The following TSHZ2 variants were observed in gnomAD, a reference collection of about 807,000 sequenced individuals.
TSHZ2 encodes the protein teashirt homolog 2.
In TSHZ2, 21 loss-of-function variants were observed where a neutral mutation model predicts 74.4. That is an observed-to-expected ratio of 0.28 (90% CI 0.20 to 0.41). The LOEUF (loss-of-function observed/expected upper bound fraction) is 0.41. TSHZ2 is among the 10% of genes least tolerant of loss of function. The pLI is 1.00. For missense variants in TSHZ2, 1,244 were observed against 1,293.5 expected (o/e 0.96, Z 0.59); for synonymous variants, 540 against 515.3 (o/e 1.05, Z -0.65).
intron 1 of TSHZ2, chr20:53,196,250 A>G (rs970970862): frequency 3.3e-5 from 5 of 152,022 alleles, no homozygotes; most frequent in African/African-American, 4.8e-5. Flanking sequence ...TTCCCTCTCA[A>G]TGAGCAAGAG....
intron 1 of TSHZ2, among the ~76,000 whole-genome samples, chr20:53,142,336 GA>G (rs1166276481): frequency 6.6e-6 from 1 of 152,220 alleles, no homozygotes; most frequent in Admixed American, 6.5e-5. Context: ...GTTCAGACCG[GA>G]AGAACAGGAG....
chr20:53,449,490 G>A (rs950237847), intron 2 of TSHZ2, among the ~76,000 whole-genome samples: 11 of 152,184 alleles, frequency 7.2e-5, no homozygotes, highest in Admixed American at 2.0e-4. Flanking sequence ...AGAAATGTCC[G>A]TGTCCTCATT....
At chr20:53,458,600 G>A (rs892791560) in intron 2 of TSHZ2, among the ~76,000 whole-genome samples, 14 of 151,974 alleles carry the variant, frequency 9.2e-5, no homozygotes, top group South Asian at 6.2e-4. Flanking sequence ...CTTGCCTTCT[G>A]CTAGCTTTTG....
intron 1 of TSHZ2, among the ~76,000 whole-genome samples, chr20:53,224,016 T>A (rs1989626686): frequency 6.6e-6 from 1 of 152,086 alleles, no homozygotes. Context: ...TATTGCACTT[T>A]GATTATGCAA....
At chr20:53,376,118 G>A (rs1981649303) in intron 2 of TSHZ2, among the ~76,000 whole-genome samples, 1 of 152,182 alleles carries the variant, frequency 6.6e-6, no homozygotes, top group African/African-American at 2.4e-5. Flanking sequence ...AGTGAGAAGA[G>A]GGAGGAAGAA....
intron 1 of TSHZ2, among the ~76,000 whole-genome samples, chr20:53,253,266 T>C (rs148432864): frequency 3.0e-4 from 43 of 142,664 alleles, no homozygotes; most frequent in Middle Eastern, 8.1e-3. Context: ...CTTGGGATCC[T>C]AGGCATTTAT....
rs151034281 is a variant in TSHZ2, at chr20:53,317,060, G to A, written c.*8+60489G>A. 4.6e-5 allele frequency among the ~76,000 whole-genome samples: 7 copies of A among 152,304 alleles called. No individual in the cohort carries two copies. In the East Asian group the frequency reaches 1.3e-3, roughly 29 times the overall value. On this transcript the variant is annotated intron_variant, in intron 2 of 2. Coordinates refer to ENST00000371497, the MANE Select transcript of TSHZ2 (RefSeq NM_173485.6). ...GTAGCTCATTATTTAGCTAATAACA[G>A]TGTGAGAAAGCAGTGTGGTGTTTAG...
At chr20:53,045,218 A>G (rs1984184838) in intron 1 of TSHZ2, among the ~76,000 whole-genome samples, 1 of 152,172 alleles carries the variant, frequency 6.6e-6, no homozygotes, top group South Asian at 2.1e-4. Context: ...GTGAGAAGGG[A>G]AGAGTACAGC....
chr20:53,190,003 G>A (rs577429851), intron 1 of TSHZ2, among the ~76,000 whole-genome samples: 9 of 145,138 alleles, frequency 6.2e-5, no homozygotes, highest in South Asian at 4.5e-4. Context: ...AGGATCACCC[G>A]AGCCAGGGCA....
At position 53,153,447 on chromosome 20, in the gene TSHZ2, T is replaced by A. The variant is rs561752519; in HGVS notation, c.41-100052T>A. 4.6e-5 allele frequency among the ~76,000 whole-genome samples: 7 copies of A among 152,290 alleles called. No individual in the cohort carries two copies. The South Asian group carries it at 1.5e-3, about 32-fold the overall frequency. On this transcript the variant is annotated intron_variant, in intron 1 of 2. Transcript: ENST00000371497. ...ATTGTATATTGGGATGTTACAGTTC[T>A]TGGACTGCAAGCAGGATCAACTGAC... is the stretch of plus-strand genomic sequence containing the variant.
chr20:53,397,286 T>A (rs1291844517), intron 2 of TSHZ2, among the ~76,000 whole-genome samples: 3 of 151,780 alleles, frequency 2.0e-5, no homozygotes, highest in African/African-American at 7.3e-5. Flanking sequence ...CAAGAAAAAA[T>A]CAAACAACCC....
intron 2 of TSHZ2, among the ~76,000 whole-genome samples, chr20:53,279,526 A>G (rs571679436): frequency 6.6e-6 from 1 of 152,310 alleles, no homozygotes; most frequent in East Asian, 1.9e-4. Context: ...CCCTGATCCA[A>G]AGCAATCCAG....
At chr20:53,385,989 G>A (rs934182085) in intron 2 of TSHZ2, among the ~76,000 whole-genome samples, 8 of 152,170 alleles carry the variant, frequency 5.3e-5, no homozygotes, top group South Asian at 2.1e-4. Flanking sequence ...AGTCTCAACC[G>A]CACCTTCATT....
chr20:53,296,720 C>T (rs1263122143), intron 2 of TSHZ2, among the ~76,000 whole-genome samples: 2 of 152,160 alleles, frequency 1.3e-5, no homozygotes, highest in African/African-American at 4.8e-5. Context: ...GTGATACAAA[C>T]CCAGAAATAC....
intron 2 of TSHZ2, among the ~76,000 whole-genome samples, chr20:53,289,559 T>G (rs945298337): frequency 1.3e-5 from 2 of 152,238 alleles, no homozygotes; most frequent in African/African-American, 4.8e-5. Context: ...ATTCCCTTAA[T>G]AATTAGTGAT....
chr20:53,287,365 C>T (rs73274273), intron 2 of TSHZ2, among the ~76,000 whole-genome samples: 6,211 of 152,224 alleles, frequency 0.041, 420 homozygotes, highest in African/African-American at 0.14. Context: ...GAACTCATCT[C>T]CAGGGTCTGG....
chr20:53,078,705 G>C (rs1381094142), intron 1 of TSHZ2, among the ~76,000 whole-genome samples: 2 of 152,184 alleles, frequency 1.3e-5, no homozygotes, highest in Non-Finnish European at 2.9e-5. Flanking sequence ...GACTAGGCTG[G>C]CAGCAATAGA....
At chr20:53,411,856 G>A (rs1372971031) in intron 2 of TSHZ2, among the ~76,000 whole-genome samples, 1 of 152,028 alleles carries the variant, frequency 6.6e-6, no homozygotes, top group Non-Finnish European at 1.5e-5. Context: ...AAAAAAAAGA[G>A]TACCTATCTC....
intron 1 of TSHZ2, among the ~76,000 whole-genome samples, chr20:53,247,731 C>T (rs577755776): frequency 7.6e-4 from 116 of 152,218 alleles, no homozygotes; most frequent in East Asian, 2.5e-3. Context: ...TCATTTAGTG[C>T]GGTAGATTGG....
Sources: gnomAD v4.1 joint callset for allele counts (sites outside exome capture counted in the v4.1 genomes callset) on GRCh38, gnomAD v4.1.1 for gene constraint, MANE v1.5 for transcripts, NCBI Gene and HGNC (gene_info 2026-07-23, HGNC 2026-07-21) for gene names.